BPIFB3: variants seen among roughly 807,000 people sequenced by gnomAD.
BPIFB3 encodes BPI fold-containing family B member 3.
In BPIFB3, 49 loss-of-function variants were observed where a neutral mutation model predicts 53.1. That is an observed-to-expected ratio of 0.92 (90% CI 0.73 to 1.17). BPIFB3 has a LOEUF of 1.17. Among genes scored for constraint, BPIFB3 ranks in the 50% most tolerant of loss-of-function variants. BPIFB3 has a pLI of 0.00. For synonymous variants in BPIFB3, 271 were observed against 269.6 expected (o/e 1.01, Z -0.05); for missense variants, 628 against 592.5 (o/e 1.06, Z -0.62).
intron 4 of BPIFB3, among the ~76,000 whole-genome samples, chr20:33,060,296 C>T (rs1181581882): frequency 6.6e-6 from 1 of 152,232 alleles, no homozygotes; most frequent in Non-Finnish European, 1.5e-5. Flanking sequence ...GCCGTCCCCT[C>T]TCCGCCAGAG....
In BPIFB3 at chr20:33,055,434, T is replaced by A. The variant is rs749815380; in HGVS notation, c.11T>A (p.Val4Asp). Residue 4 changes from valine (V) to aspartate (D), a missense_variant, in exon 1 of 15, where the codon GTC becomes GAC. Val to Asp is a radical substitution (Grantham distance 152, BLOSUM62 -3). Transcript: ENST00000375494. ...CTGCTCCTTATAGGCATGCAGCCAG[T>A]CATGCTGGCCCTGTGGTCCCTGCTT... The A allele has an allele frequency of 5.6e-6, 9 of 1,613,568 alleles. No individual in the cohort carries two copies. The South Asian group carries it at 9.9e-5, about 18-fold the overall frequency.
chr20:33,072,006 C>A, intron 12 of BPIFB3, 98 bp from the exon 14 acceptor site: 1 of 1,285,956 alleles, frequency 7.8e-7, no homozygotes, highest in Non-Finnish European at 1.1e-6. Flanking sequence ...GCTGAGGCAG[C>A]TGGGCCCCTG....
intron 9 of BPIFB3, 83 bp from the exon 11 acceptor site, chr20:33,068,720 G>A (rs1296375679): frequency 5.6e-6 from 8 of 1,427,702 alleles, no homozygotes; most frequent in Non-Finnish European, 7.7e-6. Flanking sequence ...CCCAGTGCCT[G>A]GTAGGTGCTT....
chr20:33,065,457 G>A (rs1473575697), intron 8 of BPIFB3, among the ~76,000 whole-genome samples: 1 of 152,032 alleles, frequency 6.6e-6, no homozygotes, highest in Non-Finnish European at 1.5e-5. Context: ...GCTGAAGTGA[G>A]CTGTGATTAC....
chr20:33,055,298 G>T, upstream of BPIFB3: 1 of 1,410,386 alleles, frequency 7.1e-7, no homozygotes, highest in Non-Finnish European at 9.7e-7. Flanking sequence ...GGCTTTCCTG[G>T]GAGTGAAGCT....
At chr20:33,059,325 C>T (rs1980343538) in intron 2 of BPIFB3, 53 bp from the exon 4 acceptor site, 1 of 1,427,396 alleles carries the variant, frequency 7.0e-7, no homozygotes, top group Non-Finnish European at 9.7e-7. Flanking sequence ...CTGGGCGCCG[C>T]CTGGGCTGGG....
At chr20:33,071,286 T>C (rs1227268740) in exon 12 of BPIFB3, 9 of 1,564,278 alleles carry the variant, frequency 5.8e-6, no homozygotes, top group South Asian at 1.2e-5. Flanking sequence ...CCTTTACCCA[T>C]GCCTTTGACG....
intron 4 of BPIFB3, among the ~76,000 whole-genome samples, chr20:33,061,167 C>T (rs1414355459): frequency 1.3e-5 from 2 of 152,150 alleles, no homozygotes; most frequent in Admixed American, 6.5e-5. Flanking sequence ...GCTCCTGTCT[C>T]CACGAGGGCC....
At chr20:33,054,488 C>T (rs955205853), upstream of BPIFB3, among the ~76,000 whole-genome samples, 2 of 152,134 alleles carry the variant, frequency 1.3e-5, no homozygotes, top group Non-Finnish European at 2.9e-5. Flanking sequence ...GAGGCCTCTC[C>T]AGGGAGGCAA....
chr20:33,070,432 C>A (rs1381618922), intron 11 of BPIFB3, among the ~76,000 whole-genome samples: 2 of 152,236 alleles, frequency 1.3e-5, no homozygotes, highest in Non-Finnish European at 2.9e-5. Flanking sequence ...AGTCCTTCAT[C>A]TACACGCACA....
intron 14 of BPIFB3, among the ~76,000 whole-genome samples, chr20:33,073,116 G>A (rs1980974429): frequency 6.6e-6 from 1 of 152,194 alleles, no homozygotes; most frequent in Non-Finnish European, 1.5e-5. Context: ...TGGTCCAACA[G>A]CAACAAATAC....
intron 7 of BPIFB3, 46 bp from the exon 9 acceptor site, chr20:33,064,620 G>A (rs1370810074): frequency 6.2e-7 from 1 of 1,613,060 alleles, no homozygotes. Context: ...AGGCAGGTGG[G>A]TGAGCACCTT....
At chr20:33,068,528 G>C (rs1980756178) in intron 9 of BPIFB3, among the ~76,000 whole-genome samples, 1 of 152,210 alleles carries the variant, frequency 6.6e-6, no homozygotes, top group Non-Finnish European at 1.5e-5. Context: ...GAAGTGGAGA[G>C]GCGGGCAGGG....
At chr20:33,058,568 A>ATAT (rs755283412) in intron 2 of BPIFB3, among the ~76,000 whole-genome samples, 56 of 151,976 alleles carry the variant, frequency 3.7e-4, no homozygotes, top group South Asian at 1.7e-3. Context: ...TGTTGGATAG[A>ATAT]TATTATTATT....
intron 1 of BPIFB3, among the ~76,000 whole-genome samples, chr20:33,055,932 G>A (rs538625513): frequency 1.3e-5 from 2 of 152,280 alleles, no homozygotes; most frequent in East Asian, 3.9e-4. Context: ...GTGGCCTGTG[G>A]TGACAGTCTC....
exon 1 of BPIFB3, chr20:33,055,477 G>A (rs759548237): frequency 1.9e-5 from 30 of 1,613,736 alleles, no homozygotes; most frequent in South Asian, 5.5e-5. Flanking sequence ...GGGGCCTGGC[G>A]ACTCCATGCC....
At chr20:33,058,619 C>T (rs554690642) in intron 2 of BPIFB3, among the ~76,000 whole-genome samples, 20 of 151,988 alleles carry the variant, frequency 1.3e-4, no homozygotes, top group African/African-American at 4.6e-4. Flanking sequence ...CTGTGAAATC[C>T]GCTTTCTTGG....
rs189155502 is a variant in BPIFB3, at chr20:33,062,941, C to G, written c.592-674C>G. 5.4e-4 allele frequency among the ~76,000 whole-genome samples: 82 copies of G among 152,324 alleles called. No individual in the cohort carries two copies. In the East Asian group the frequency reaches 0.015, roughly 29 times the overall value. On this transcript the variant is annotated intron_variant, in intron 5 of 14. Coordinates refer to ENST00000375494, the Ensembl canonical transcript of BPIFB3. Reference sequence around the variant, plus strand: ...CAGCCCTCTTTTGTCTCTCTGAATACAGCTGTGACCTTGGACAGGCCACCT... The same window carrying G: ...CAGCCCTCTTTTGTCTCTCTGAATAGAGCTGTGACCTTGGACAGGCCACCT...
chr20:33,068,977 A>G lies in BPIFB3; in HGVS notation c.1149+4A>G, dbSNP rs1388645357. Reference sequence around the variant, plus strand: ...ATCCCTCTTTGAGCTGAACTCCGTGAGTGGTCAAGGGGTGGCTGGGGGCCC... The same window carrying G: ...ATCCCTCTTTGAGCTGAACTCCGTGGGTGGTCAAGGGGTGGCTGGGGGCCC... On this transcript the variant is annotated splice_donor_region_variant and intron_variant, in intron 10 of 14. Transcript: ENST00000375494. 1 of 1,611,356 alleles carries G rather than the reference A, an allele frequency of 6.2e-7. No homozygotes were observed. Among genetic ancestry groups the G allele is most frequent in the Admixed American group, 1.7e-5 (1 of 59,888 alleles).
Sources: gnomAD v4.1 joint callset for allele counts (sites outside exome capture counted in the v4.1 genomes callset) on GRCh38, gnomAD v4.1.1 for gene constraint, MANE v1.5 for transcripts, NCBI Gene and HGNC (gene_info 2026-07-23, HGNC 2026-07-21) for gene names.